NELL2: variants seen among roughly 807,000 people sequenced by gnomAD.
NELL2 encodes the protein neural EGFL like 2.
A neutral mutation model predicts 109.6 loss-of-function variants in NELL2; 41 were observed. The observed-to-expected ratio is 0.37, with a 90% CI of 0.29 to 0.49. NELL2 has a LOEUF of 0.49. Among genes scored for constraint, NELL2 ranks in the 20% least tolerant of loss-of-function variants. NELL2 has a pLI of 0.98. For missense variants in NELL2, 900 were observed against 1,008.3 expected (o/e 0.89, Z 1.45); for synonymous variants, 355 against 344.7 (o/e 1.03, Z -0.33).
rs541352315 is a variant in NELL2 at position 44,509,134 on chromosome 12, C to T, written c.2401-150G>A. 6 of 666,636 alleles carry T rather than the reference C, an allele frequency of 9.0e-6. No homozygotes were observed. The South Asian group carries it at 1.2e-4, about 13-fold the overall frequency. 41.3% of individuals were successfully genotyped at this position (666,636 alleles called of 1,614,324 possible). A position where few individuals can be genotyped will look rare whatever the true frequency, so the allele number is the denominator to read the frequency against. ...AATGGCCCAATCACTTTTCATGACTCTACTATTGCAGACTCAATTATTATG... is the reference window on the plus strand; with the variant it reads ...AATGGCCCAATCACTTTTCATGACTTTACTATTGCAGACTCAATTATTATG... On this transcript the variant is annotated intron_variant, in intron 19 of 19. Transcript: ENST00000429094.
Position 44,875,816 on chromosome 12 carries a change from T to C in NELL2, c.54A>G (p.Ala18=). 6.2e-7 allele frequency: 1 copy of C among 1,613,734 alleles called. No homozygotes were observed. The highest frequency in any genetic ancestry group is 8.5e-7 in the Non-Finnish European group (1 of 1,180,008). The change falls in exon 1 of 20, where the codon GCA becomes GCG. Residue 18 remains alanine (A), a splice_region_variant and synonymous_variant. Transcript: ENST00000429094. ...RTFCLIFGLG[A]VWGLGVDPSL... is the part of the protein sequence containing the mutation. ...AGCCCCAGCTCTGCGGCCACTCACC[T>C]GCTCCGAGACCGAAGATCAAACAGA...
At chr12:44,562,802 C>A (rs1943514997) in intron 15 of NELL2, among the ~76,000 whole-genome samples, 1 of 152,216 alleles carries the variant, frequency 6.6e-6, no homozygotes, top group Non-Finnish European at 1.5e-5. Flanking sequence ...TTTGACCCAG[C>A]AATCCCATTA....
intron 12 of NELL2, among the ~76,000 whole-genome samples, chr12:44,695,034 TGAAGGAAGGAAGAAAG>T (rs1465738385): frequency 1.0e-5 from 1 of 99,546 alleles, no homozygotes; most frequent in Non-Finnish European, 2.0e-5. Context: ...AAGGAAAAAA[TGAAGGAAGGAAGAAAG>T]GAAGGAAGGA....
chr12:44,610,849 T>A lies in NELL2; in HGVS notation c.1566A>T (p.Lys522Asn), dbSNP rs564158773. The A allele has an allele frequency of 6.2e-7, 1 of 1,612,884 alleles. No individual in the cohort carries two copies. The highest frequency in any genetic ancestry group is 1.7e-5 in the Admixed American group (1 of 59,926). The part of the protein sequence containing the change: ...PGYTGNGTTC[K>N]AFCKDGCRNG... ...GGCACTGGCATTTAAACCTTTTACC[T>A]TTGCATGTCGTTCCATTCCCTGTAT... is the stretch of plus-strand genomic sequence containing the variant. Residue 522 changes from lysine to asparagine, a missense_variant and splice_region_variant, in exon 14 of 20, where the codon AAA (lysine) becomes AAT (asparagine). Lys to Asn is a moderately conservative substitution (Grantham distance 94). Transcript: ENST00000429094.
chr12:44,653,942 A>G (rs1270272683), intron 13 of NELL2, among the ~76,000 whole-genome samples: 1 of 152,140 alleles, frequency 6.6e-6, no homozygotes, highest in African/African-American at 2.4e-5. Context: ...TAAACTTGCT[A>G]TTATACAACA....
intron 10 of NELL2, among the ~76,000 whole-genome samples, chr12:44,713,985 T>C (rs1019475973): frequency 1.3e-5 from 2 of 151,974 alleles, no homozygotes; most frequent in African/African-American, 4.8e-5. Flanking sequence ...TATAGACAGT[T>C]TCCTTCATAT....
intron 19 of NELL2, among the ~76,000 whole-genome samples, chr12:44,514,945 G>T (rs190794242): frequency 3.4e-4 from 52 of 150,774 alleles, no homozygotes; most frequent in Non-Finnish European, 2.2e-4. Context: ...ATAAGTTAAT[G>T]ATATATATTA....
intron 19 of NELL2, among the ~76,000 whole-genome samples, chr12:44,512,591 A>G (rs979470088): frequency 2.0e-5 from 3 of 152,124 alleles, no homozygotes; most frequent in Non-Finnish European, 4.4e-5. Context: ...TCAACAGATG[A>G]ATGAACAAAG....
In NELL2 at chr12:44,835,745, G is replaced by GTAAA. The variant is rs1944035525; in HGVS notation, c.185-19613_185-19610dup. Among the ~76,000 whole-genome samples the GTAAA allele has an allele frequency of 2.6e-5, 4 of 152,294 alleles. No homozygotes were observed. The South Asian group carries it at 8.3e-4, about 32-fold the overall frequency. On this transcript the variant is annotated intron_variant, in intron 2 of 19. Transcript: ENST00000429094. ...ATCCTGGTTTCACTAATCCAACAGG[G>GTAAA]TAAACTTGGCAACACCTGACACTTT...
chr12:44,554,161 A>G (rs1164789107), intron 15 of NELL2, among the ~76,000 whole-genome samples: 2 of 152,198 alleles, frequency 1.3e-5, no homozygotes, highest in Non-Finnish European at 2.9e-5. Flanking sequence ...TTCTGATTAC[A>G]GACGTTTTAG....
chr12:44,885,053 C>T (rs1029182423), intron 1 of NELL2, among the ~76,000 whole-genome samples: 2 of 151,780 alleles, frequency 1.3e-5, no homozygotes, highest in African/African-American at 2.4e-5. Flanking sequence ...CTGAGGCAGG[C>T]GGATCACCTG....
chr12:44,756,740 A>T (rs1370653957), intron 9 of NELL2, among the ~76,000 whole-genome samples: 1 of 152,114 alleles, frequency 6.6e-6, no homozygotes, highest in Non-Finnish European at 1.5e-5. Context: ...ATTTTCTGGC[A>T]ACTCTTTCTC....
At chr12:44,763,647 T>C (rs990419985) in intron 9 of NELL2, among the ~76,000 whole-genome samples, 83 of 152,268 alleles carry the variant, frequency 5.5e-4, no homozygotes, top group African/African-American at 1.8e-3. Flanking sequence ...GCTTTTAGCA[T>C]CATGAGATAT....
At chr12:44,895,921 C>A (rs2136874949) in intron 1 of NELL2, among the ~76,000 whole-genome samples, 1 of 152,150 alleles carries the variant, frequency 6.6e-6, no homozygotes, top group African/African-American at 2.4e-5. Flanking sequence ...AACAATAAGC[C>A]ATAATTATAT....
intron 2 of NELL2, among the ~76,000 whole-genome samples, chr12:44,861,599 T>C (rs1216056489): frequency 1.3e-5 from 2 of 152,028 alleles, no homozygotes; most frequent in African/African-American, 4.8e-5. Context: ...GTCCCAGGCT[T>C]CAGGCCTACC....
intron 15 of NELL2, among the ~76,000 whole-genome samples, chr12:44,580,599 G>C (rs1240819313): frequency 6.6e-6 from 1 of 152,118 alleles, no homozygotes; most frequent in Non-Finnish European, 1.5e-5. Context: ...TGTAATCCCA[G>C]CTACTCGGGA....
chr12:44,559,867 G>A (rs1830526946), intron 15 of NELL2, among the ~76,000 whole-genome samples: 1 of 152,088 alleles, frequency 6.6e-6, no homozygotes, highest in Admixed American at 6.6e-5. Context: ...CAAATCAACA[G>A]AATATACATT....
chr12:44,889,476 G>A (rs1389780071), intron 1 of NELL2, among the ~76,000 whole-genome samples: 1 of 151,926 alleles, frequency 6.6e-6, no homozygotes, highest in African/African-American at 2.4e-5. Flanking sequence ...ATACACTACG[G>A]TACTTAATGT....
chr12:44,529,770 A>C (rs994157382), intron 16 of NELL2, among the ~76,000 whole-genome samples: 8 of 152,218 alleles, frequency 5.3e-5, no homozygotes, highest in Non-Finnish European at 1.2e-4. Context: ...GTAATCTTGA[A>C]AGAAAAGCAT....
Sources: allele counts gnomAD v4.1 joint callset (sites outside exome capture counted in the v4.1 genomes callset), GRCh38; gene constraint gnomAD v4.1.1; transcripts MANE v1.5; gene names NCBI Gene and HGNC (gene_info 2026-07-23, HGNC 2026-07-21).